RIT2: variants seen among roughly 807,000 people sequenced by gnomAD.
RIT2 encodes the protein GTP-binding protein Rit2.
Under a neutral mutation model 23.7 loss-of-function variants are expected in RIT2, and 24 were observed. The observed-to-expected ratio is 1.01, with a 90% CI of 0.73 to 1.43. The LOEUF (loss-of-function observed/expected upper bound fraction) is 1.43, where lower values mean the gene tolerates loss of function less well. Ranked by LOEUF, RIT2 falls within the 40% of genes most tolerant of loss-of-function variation. RIT2 has a pLI of 0.00. For synonymous variants in RIT2, 107 were observed against 91.1 expected (o/e 1.17, Z -0.99); for missense variants, 236 against 266.9 (o/e 0.88, Z 0.81).
At chr18:42,976,455 G>A (rs546252367) in intron 2 of RIT2, among the ~76,000 whole-genome samples, 1 of 152,168 alleles carries the variant, frequency 6.6e-6, no homozygotes, top group African/African-American at 2.4e-5. Context: ...GGTATCTGAA[G>A]TCAGACTGCC....
chr18:43,020,663 C>T (rs1911574577), intron 2 of RIT2, among the ~76,000 whole-genome samples: 1 of 151,956 alleles, frequency 6.6e-6, no homozygotes, highest in South Asian at 2.1e-4. Flanking sequence ...AAAATAGACA[C>T]ACATAATCCA....
chr18:42,752,701 A>G (rs553166156), intron 4 of RIT2, among the ~76,000 whole-genome samples: 2 of 152,276 alleles, frequency 1.3e-5, no homozygotes, highest in African/African-American at 4.8e-5. Context: ...ACAATATTTT[A>G]TATTGCATTT....
In RIT2 at chr18:42,923,707, G is replaced by A. The variant is rs1354555628; in HGVS notation, c.291C>T (p.Ile97=). 1.2e-6 allele frequency: 2 copies of A among 1,612,488 alleles called. No individual in the cohort carries two copies. Among genetic ancestry groups the A allele is most frequent in the Non-Finnish European group, 1.7e-6 (2 of 1,179,612 alleles). Residue 97 remains isoleucine (I), a synonymous_variant, in exon 4 of 5, where the codon ATC becomes ATT. Coordinates refer to ENST00000326695, the MANE Select transcript of RIT2 (RefSeq NM_002930.4). ...ATTGACGGTCAGTGACGGAGTAGCA[G>A]ATGATGAAGCCTTCCCCACCTCGCA... The part of the protein sequence containing the change: ...QYMRGGEGFI[I]CYSVTDRQSF...
At chr18:43,018,176 C>T (rs554194099) in intron 2 of RIT2, among the ~76,000 whole-genome samples, 1 of 152,046 alleles carries the variant, frequency 6.6e-6, no homozygotes, top group East Asian at 1.9e-4. Flanking sequence ...CTCACACTGC[C>T]CCTAACGCGA....
At chr18:43,105,269 T>G (rs1026329451) in intron 1 of RIT2, among the ~76,000 whole-genome samples, 1 of 152,090 alleles carries the variant, frequency 6.6e-6, no homozygotes, top group Non-Finnish European at 1.5e-5. Context: ...CAGAAACTAA[T>G]CAATATAAGG....
chr18:43,058,558 A>C (rs1912564111), intron 1 of RIT2, among the ~76,000 whole-genome samples: 1 of 152,166 alleles, frequency 6.6e-6, no homozygotes, highest in African/African-American at 2.4e-5. Context: ...ACTCATAAAC[A>C]TCACACTGTC....
chr18:42,975,756 A>T lies in RIT2; in HGVS notation c.161-1609T>A, dbSNP rs116745349. The stretch of plus-strand genomic sequence containing the variant: ...TTCACAACTTCCTGCCTAGATTCCC[A>T]AACTCCCACCATGTTCCCACAAAGC... On this transcript the variant is annotated intron_variant, in intron 2 of 4. Transcript: ENST00000326695. Among the ~76,000 whole-genome samples the T allele has an allele frequency of 4.8e-3, 734 of 152,092 alleles. 6 individuals carry two copies. Among genetic ancestry groups the T allele is most frequent in the African/African-American group, 0.015 (637 of 41,512 alleles).
At chr18:43,058,928 C>A (rs1311429840) in intron 1 of RIT2, among the ~76,000 whole-genome samples, 1 of 151,920 alleles carries the variant, frequency 6.6e-6, no homozygotes, top group Admixed American at 6.6e-5. Flanking sequence ...ATACATTGAA[C>A]CCTTGAGCCT....
intron 4 of RIT2, among the ~76,000 whole-genome samples, chr18:42,872,570 G>C (rs1260047364): frequency 6.6e-6 from 1 of 152,142 alleles, no homozygotes. Context: ...TCTTTTTCAT[G>C]ATATCCTACG....
chr18:42,791,758 A>G (rs376366498), intron 4 of RIT2, among the ~76,000 whole-genome samples: 36 of 152,290 alleles, frequency 2.4e-4, no homozygotes, highest in South Asian at 1.2e-3. Context: ...TTTTCTTAAC[A>G]AGATTTTCCT....
chr18:42,797,075 TAAAC>T (rs1905387102), intron 4 of RIT2, among the ~76,000 whole-genome samples: 1 of 152,106 alleles, frequency 6.6e-6, no homozygotes, highest in South Asian at 2.1e-4. Context: ...TTAAATAAAA[TAAAC>T]AGTATCTACA....
chr18:42,915,093 T>G (rs890047521), intron 4 of RIT2, among the ~76,000 whole-genome samples: 1 of 151,830 alleles, frequency 6.6e-6, no homozygotes, highest in Non-Finnish European at 1.5e-5. Flanking sequence ...TATCATTCAT[T>G]TGGATTTACA....
At chr18:42,967,777 G>A (rs1315077103) in intron 3 of RIT2, among the ~76,000 whole-genome samples, 1 of 150,066 alleles carries the variant, frequency 6.7e-6, no homozygotes, top group African/African-American at 2.5e-5. Flanking sequence ...GTTTAATGGT[G>A]TTATTTATTA....
chr18:42,890,762 T>A (rs1387428792), intron 4 of RIT2, among the ~76,000 whole-genome samples: 1 of 151,908 alleles, frequency 6.6e-6, no homozygotes, highest in African/African-American at 2.4e-5. Context: ...TGTTGCCAAG[T>A]CTAAAAAAAA....
chr18:43,070,714 C>T (rs1434051465), intron 1 of RIT2, among the ~76,000 whole-genome samples: 2 of 152,108 alleles, frequency 1.3e-5, no homozygotes, highest in East Asian at 1.9e-4. Context: ...GTGAATTTTT[C>T]CAACACAATG....
intron 4 of RIT2, among the ~76,000 whole-genome samples, chr18:42,763,706 T>C (rs148338078): frequency 0.019 from 2,899 of 152,322 alleles, 42 homozygotes; most frequent in Non-Finnish European, 0.03. Flanking sequence ...ATTTATAAAC[T>C]TTTTATTTTT....
intron 2 of RIT2, among the ~76,000 whole-genome samples, chr18:42,987,902 G>A (rs1326905231): frequency 1.3e-5 from 2 of 152,062 alleles, no homozygotes; most frequent in Non-Finnish European, 2.9e-5. Context: ...GAGCCTTGTG[G>A]GAACTAAGAG....
chr18:42,844,825 C>G (rs866263006), intron 4 of RIT2, among the ~76,000 whole-genome samples: 3 of 152,128 alleles, frequency 2.0e-5, no homozygotes, highest in Non-Finnish European at 2.9e-5. Flanking sequence ...TGGGGTTTTA[C>G]AGGGGACCTG....
intron 4 of RIT2, among the ~76,000 whole-genome samples, chr18:42,798,718 G>A (rs905483044): frequency 6.6e-6 from 1 of 152,208 alleles, no homozygotes; most frequent in African/African-American, 2.4e-5. Flanking sequence ...TTGGCACCTG[G>A]CCAGTTAATG....
Sources: allele counts gnomAD v4.1 joint callset (sites outside exome capture counted in the v4.1 genomes callset), GRCh38; gene constraint gnomAD v4.1.1; transcripts MANE v1.5; gene names NCBI Gene and HGNC (gene_info 2026-07-23, HGNC 2026-07-21).